SDK1: variants seen among roughly 807,000 people sequenced by gnomAD.
SDK1 encodes protein sidekick-1.
A neutral mutation model predicts 245.5 loss-of-function variants in SDK1; 157 were observed. That is an observed-to-expected ratio of 0.64 (90% CI 0.56 to 0.73). The LOEUF (loss-of-function observed/expected upper bound fraction) is 0.73, where lower values mean the gene tolerates loss of function less well. SDK1 is among the 30% of genes least tolerant of loss of function. SDK1 has a pLI of 0.00. For synonymous variants in SDK1, 1,647 were observed against 1,278.5 expected, an observed-to-expected ratio of 1.29 and a Z score of -6.15; for missense variants, 3,583 against 3,002.3, an observed-to-expected ratio of 1.19 and a Z score of -4.52.
chr7:3,886,001 G>A (rs962905045), intron 5 of SDK1, among the ~76,000 whole-genome samples: 6 of 152,182 alleles, frequency 3.9e-5, no homozygotes, highest in Non-Finnish European at 8.8e-5. Flanking sequence ...GGGGTTTATC[G>A]AGGAGGTGAT....
At chr7:3,832,153 A>G (rs1000549657) in intron 5 of SDK1, among the ~76,000 whole-genome samples, 2 of 152,228 alleles carry the variant, frequency 1.3e-5, no homozygotes, top group African/African-American at 4.8e-5. Flanking sequence ...CAGATGAGGT[A>G]ACAAATCAAA....
intron 1 of SDK1, among the ~76,000 whole-genome samples, chr7:3,481,991 A>G (rs1781535780): frequency 6.6e-6 from 1 of 151,738 alleles, no homozygotes; most frequent in African/African-American, 2.4e-5. Flanking sequence ...CAAAGCTTGA[A>G]AAAAATATAA....
At chr7:3,319,346 T>C (rs1779737294) in intron 1 of SDK1, among the ~76,000 whole-genome samples, 1 of 152,010 alleles carries the variant, frequency 6.6e-6, no homozygotes, top group South Asian at 2.1e-4. Flanking sequence ...CAGAAATGCT[T>C]GTGGAGGGTC....
Position 4,206,975 on chromosome 7 carries a change from G to C in SDK1, c.5214+981G>C, listed in dbSNP as rs991976359. On this transcript the variant is annotated intron_variant, in intron 36 of 44. Coordinates refer to ENST00000404826, the MANE Select transcript of SDK1 (RefSeq NM_152744.4). ...AGCCCCATGAGCTTGGAGGCATGGCGCTATTTATGTATGTCCAAAATATGT... is the reference window on the plus strand; with the variant it reads ...AGCCCCATGAGCTTGGAGGCATGGCCCTATTTATGTATGTCCAAAATATGT... 3.9e-5 allele frequency among the ~76,000 whole-genome samples: 6 copies of C among 152,314 alleles called. No individual in the cohort carries two copies. In the South Asian group the frequency reaches 6.2e-4, roughly 16 times the overall value.
chr7:3,781,659 T>C (rs944293526), intron 4 of SDK1, among the ~76,000 whole-genome samples: 2 of 151,880 alleles, frequency 1.3e-5, no homozygotes, highest in Non-Finnish European at 2.9e-5. Context: ...AATCTATGGA[T>C]AGAAAATTGA....
chr7:4,176,217 C>T lies in SDK1; in HGVS notation c.4996+383C>T, dbSNP rs1430987394. Among the ~76,000 whole-genome samples, 4 of 150,438 alleles carry T rather than the reference C, an allele frequency of 2.7e-5. No individual in the cohort carries two copies. In the East Asian group the frequency reaches 7.8e-4, roughly 29 times the overall value. ...TCACTCTGTTGCCGAGGCTGGAGTG[C>T]AGTGGCACGATCACAGCTCACTGCA... On this transcript the variant is annotated intron_variant, in intron 34 of 44. Coordinates refer to ENST00000404826, the MANE Select transcript of SDK1 (RefSeq NM_152744.4).
chr7:4,237,620 C>T (rs745414721), intron 41 of SDK1, 27 bp from the exon 42 acceptor site: 18 of 1,613,870 alleles, frequency 1.1e-5, no homozygotes, highest in Non-Finnish European at 1.5e-5. Context: ...TGCCCCATGT[C>T]ATTGTGTGTC....
At chr7:3,463,678 A>G (rs1250330680) in intron 1 of SDK1, among the ~76,000 whole-genome samples, 1 of 152,184 alleles carries the variant, frequency 6.6e-6, no homozygotes, top group African/African-American at 2.4e-5. Flanking sequence ...GGAAAAAACG[A>G]TGGAGCCAGG....
intron 28 of SDK1, among the ~76,000 whole-genome samples, chr7:4,142,570 G>A (rs956054235): frequency 1.3e-5 from 2 of 151,942 alleles, no homozygotes; most frequent in African/African-American, 4.8e-5. Context: ...CTTGTGATCC[G>A]CCCACCTCGG....
chr7:3,391,533 T>C (rs10262783), intron 1 of SDK1, among the ~76,000 whole-genome samples: 68,316 of 151,862 alleles, frequency 0.45, 17,385 homozygotes, highest in East Asian at 0.61. Context: ...GGAATTATTA[T>C]ACCCAAAATA....
intron 40 of SDK1, 42 bp from the exon 41 acceptor site, chr7:4,233,213 G>A (rs2880459): frequency 0.2 from 313,347 of 1,580,724 alleles, 34,285 homozygotes; most frequent in Non-Finnish European, 0.22. Flanking sequence ...CTGGGACTTC[G>A]CACTTCTAAC....
At chr7:3,850,779 G>C (rs571393488) in intron 5 of SDK1, among the ~76,000 whole-genome samples, 5 of 147,656 alleles carry the variant, frequency 3.4e-5, no homozygotes, top group Non-Finnish European at 7.4e-5. Context: ...AACACCGCAT[G>C]TTCTCACTCA....
intron 19 of SDK1, among the ~76,000 whole-genome samples, chr7:4,053,149 G>T: frequency 6.7e-6 from 1 of 150,300 alleles, no homozygotes; most frequent in Admixed American, 6.6e-5. Context: ...GCTGCTGCTT[G>T]TCTCTCCCCC....
At chr7:3,743,945 T>C (rs1287431037) in intron 4 of SDK1, among the ~76,000 whole-genome samples, 1 of 152,220 alleles carries the variant, frequency 6.6e-6, no homozygotes, top group Non-Finnish European at 1.5e-5. Flanking sequence ...AAGAATTTCC[T>C]GTGGCGTTAT....
At chr7:3,920,227 G>A (rs1442353191) in intron 5 of SDK1, among the ~76,000 whole-genome samples, 1 of 152,300 alleles carries the variant, frequency 6.6e-6, no homozygotes, top group Non-Finnish European at 1.5e-5. Context: ...GCTGTGGGTC[G>A]GGGTGATTCG....
rs542432114 is a variant in SDK1 at position 3,638,451 on chromosome 7, G to T, written c.459-553G>T. Among the ~76,000 whole-genome samples, 58 of 151,918 alleles carry T rather than the reference G, an allele frequency of 3.8e-4. No individual in the cohort carries two copies. In the East Asian group the frequency reaches 0.011, roughly 29 times the overall value. ...CATATACACCATGGAATACTATGCA[G>T]CCATAAAAAATGATGAGTTCATGTC... is the stretch of plus-strand genomic sequence containing the variant. On this transcript the variant is annotated intron_variant, in intron 2 of 44. Coordinates refer to ENST00000404826, the MANE Select transcript of SDK1 (RefSeq NM_152744.4).
intron 41 of SDK1, among the ~76,000 whole-genome samples, chr7:4,236,992 G>C (rs918513526): frequency 6.6e-6 from 1 of 151,912 alleles, no homozygotes; most frequent in Non-Finnish European, 1.5e-5. Context: ...CTACAGCCTC[G>C]ACCTCCTGGG....
Position 3,969,445 on chromosome 7 carries a change from G to A in SDK1, c.1714+21G>A, listed in dbSNP as rs373818384. 160 of 1,505,898 alleles carry A rather than the reference G, an allele frequency of 1.1e-4. No homozygotes were observed. In the African/African-American group the frequency reaches 1.9e-3, roughly 18 times the overall value. 93.3% of individuals were successfully genotyped at this position (1,505,898 alleles called of 1,614,324 possible). On this transcript the variant is annotated intron_variant, in intron 11 of 44. Transcript: ENST00000404826. ...GTGGAGTAAGGAGCAGCCCTCGCAC[G>A]TCGGCCTTCTGTTAGCCACGGTTTA...
At chr7:3,494,201 T>C (rs557879972) in intron 1 of SDK1, among the ~76,000 whole-genome samples, 1 of 152,144 alleles carries the variant, frequency 6.6e-6, no homozygotes. Context: ...TTAGGAAAAC[T>C]TTTAGGAGCT....
Sources: allele counts gnomAD v4.1 joint callset (sites outside exome capture counted in the v4.1 genomes callset), GRCh38; gene constraint gnomAD v4.1.1; transcripts MANE v1.5; gene names NCBI Gene and HGNC (gene_info 2026-07-23, HGNC 2026-07-21).